Variants in COL23A1 observed in about 807,000 individuals in gnomAD.
The protein encoded by COL23A1 is collagen type XXIII alpha 1 chain, also known as collagen alpha-1(XXIII) chain.
Under a neutral mutation model 99.3 loss-of-function variants are expected in COL23A1, and 97 were observed. That is an observed-to-expected ratio of 0.98 (90% CI 0.83 to 1.16). The LOEUF (loss-of-function observed/expected upper bound fraction) is 1.16, where lower values mean the gene tolerates loss of function less well. Among genes scored for constraint, COL23A1 ranks in the 50% most tolerant of loss-of-function variants. The pLI is 0.00. For synonymous variants in COL23A1, 320 were observed against 308.2 expected (o/e 1.04, Z -0.40); for missense variants, 762 against 757.4 (o/e 1.01, Z -0.07).
rs1758351052 is a variant in COL23A1 at position 178,306,329 on chromosome 5, C to T, written c.406+546G>A. On this transcript the variant is annotated intron_variant, in intron 3 of 28. Coordinates refer to ENST00000390654, the MANE Select transcript of COL23A1 (RefSeq NM_173465.4). The surrounding 1 kb of genome is among the most constrained non-coding windows in gnomAD (Gnocchi z 4.1). ...AGAGGGGCTTAGGGAAGTCCCTGGG[C>T]GAAGGGGGCAATCTGCTGGGGACTG... 1.7e-5 allele frequency among the ~76,000 whole-genome samples: 2 copies of T among 115,104 alleles called. No homozygotes were observed. The highest frequency in any genetic ancestry group is 2.6e-4 in the South Asian group (1 of 3,854). 75.5% of individuals were successfully genotyped at this position (115,104 alleles called of 152,430 possible).
intron 6 of COL23A1, among the ~76,000 whole-genome samples, chr5:178,270,127 C>T (rs1329588757): frequency 1.3e-5 from 2 of 152,206 alleles, no homozygotes; most frequent in African/African-American, 2.4e-5. Context: ...GACAAGAAGC[C>T]TCAGGCTTGG....
intron 2 of COL23A1, among the ~76,000 whole-genome samples, chr5:178,376,928 T>C (rs550067078): frequency 6.6e-6 from 1 of 152,294 alleles, no homozygotes; most frequent in African/African-American, 2.4e-5. Context: ...GCCACTTTTA[T>C]CTTCCCCCGA....
At chr5:178,386,520 A>G (rs1191731370) in intron 2 of COL23A1, among the ~76,000 whole-genome samples, 6 of 150,302 alleles carry the variant, frequency 4.0e-5, no homozygotes, top group Non-Finnish European at 8.9e-5. Context: ...TAGCACAAAT[A>G]TTTCCATTTT....
intron 2 of COL23A1, among the ~76,000 whole-genome samples, chr5:178,311,936 G>A (rs910606709): frequency 2.6e-5 from 4 of 151,860 alleles, no homozygotes; most frequent in Admixed American, 6.6e-5. Context: ...TCACCATGTT[G>A]GCCAGGCTGG....
chr5:178,587,017 G>A (rs1764039986), intron 1 of COL23A1, among the ~76,000 whole-genome samples: 1 of 152,120 alleles, frequency 6.6e-6, no homozygotes, highest in African/African-American at 2.4e-5. Context: ...AAGCTGGCAT[G>A]GTCTCCTCTG....
intron 2 of COL23A1, among the ~76,000 whole-genome samples, chr5:178,495,546 G>A (rs1382372531): frequency 5.3e-5 from 8 of 152,146 alleles, no homozygotes; most frequent in Admixed American, 5.2e-4. Flanking sequence ...GGGGGAGAAG[G>A]GTGGGGAGTT....
chr5:178,392,234 G>C (rs145042818), intron 2 of COL23A1, among the ~76,000 whole-genome samples: 1 of 151,486 alleles, frequency 6.6e-6, no homozygotes, highest in Non-Finnish European at 1.5e-5. Flanking sequence ...TGGGTAAACT[G>C]TATAGTGAGT....
At chr5:178,545,563 T>C (rs1330217600) in intron 2 of COL23A1, among the ~76,000 whole-genome samples, 2 of 152,100 alleles carry the variant, frequency 1.3e-5, no homozygotes, top group Non-Finnish European at 2.9e-5. Context: ...GGCCTGCCAA[T>C]AACCTACAGG....
chr5:178,491,345 C>T (rs779921774), intron 2 of COL23A1, among the ~76,000 whole-genome samples: 4 of 152,132 alleles, frequency 2.6e-5, no homozygotes, highest in African/African-American at 4.8e-5. Context: ...TCCTCCATTA[C>T]GAACTGCCTG....
At chr5:178,343,946 C>T (rs975280260) in intron 2 of COL23A1, among the ~76,000 whole-genome samples, 1 of 152,132 alleles carries the variant, frequency 6.6e-6, no homozygotes, top group Non-Finnish European at 1.5e-5. Flanking sequence ...CAGGCGTGAG[C>T]CACCGTACCC....
At position 178,380,800 on chromosome 5, in the gene COL23A1, C is replaced by T. The variant is rs147475290; in HGVS notation, c.362-73881G>A. Among the ~76,000 whole-genome samples, 401 of 152,302 alleles carry T rather than the reference C, an allele frequency of 2.6e-3. 4 individuals are homozygous for T. The highest frequency in any genetic ancestry group is 9.3e-3 in the African/African-American group (387 of 41,570). Reference sequence around the variant, plus strand: ...AGGCAGGGACTTCACCTGTCCCCAGCGTCCTGCTGAGCAGGGTCACAATAT... The same window carrying T: ...AGGCAGGGACTTCACCTGTCCCCAGTGTCCTGCTGAGCAGGGTCACAATAT... On this transcript the variant is annotated intron_variant, in intron 2 of 28. Transcript: ENST00000390654.
chr5:178,334,335 G>A (rs2973677), intron 2 of COL23A1, among the ~76,000 whole-genome samples: 72,336 of 152,016 alleles, frequency 0.48, 18,120 homozygotes, highest in East Asian at 0.81. Context: ...CACATGCCTG[G>A]ATCGAGCCCA....
At chr5:178,422,650 C>T (rs1196316542) in intron 2 of COL23A1, among the ~76,000 whole-genome samples, 1 of 152,134 alleles carries the variant, frequency 6.6e-6, no homozygotes, top group African/African-American at 2.4e-5. Flanking sequence ...CCCACGTGGT[C>T]GCCATCCATC....
In COL23A1 at chr5:178,517,565, T is replaced by TTTTTC. The variant is rs57447640; in HGVS notation, c.361+43116_361+43117insGAAAA. 3.3e-3 allele frequency among the ~76,000 whole-genome samples: 368 copies of TTTTTC among 112,624 alleles called. 9 individuals are homozygous for TTTTTC. The highest frequency in any genetic ancestry group is 0.012 in the African/African-American group (339 of 28,776). The allele number at this position is 112,624 out of a possible 152,430, so 73.9% of individuals were successfully genotyped here. A position where few individuals can be genotyped will look rare whatever the true frequency, so the allele number is the denominator to read the frequency against. On this transcript the variant is annotated intron_variant, in intron 2 of 28. Coordinates refer to ENST00000390654, the MANE Select transcript of COL23A1 (RefSeq NM_173465.4). ...GACTCTCGGTGACAGCAGTTTTTTT[T>TTTTTC]TTGTTTTTTTTTTTGAGATGGAGTC...
chr5:178,496,641 A>T (rs745433944), intron 2 of COL23A1, among the ~76,000 whole-genome samples: 5 of 152,252 alleles, frequency 3.3e-5, no homozygotes, highest in Non-Finnish European at 7.3e-5. Flanking sequence ...ATGTTACTAT[A>T]GACATACAAG....
At chr5:178,470,735 C>T (rs994693373) in intron 2 of COL23A1, among the ~76,000 whole-genome samples, 21 of 152,286 alleles carry the variant, frequency 1.4e-4, no homozygotes, top group African/African-American at 4.8e-4. Context: ...AGCATCAAGG[C>T]TCCCACAGAA....
At chr5:178,246,801 A>G (rs2127531738) in intron 22 of COL23A1, among the ~76,000 whole-genome samples, 1 of 152,326 alleles carries the variant, frequency 6.6e-6, no homozygotes, top group East Asian at 1.9e-4. Context: ...TTCTACGGCA[A>G]GCCTTGGACC....
At chr5:178,522,437 G>A (rs1433099870) in intron 2 of COL23A1, among the ~76,000 whole-genome samples, 3 of 152,058 alleles carry the variant, frequency 2.0e-5, no homozygotes, top group South Asian at 2.1e-4. Context: ...CTAGGACCGG[G>A]GAATAACTCG....
At chr5:178,574,780 G>T (rs893156055) in intron 1 of COL23A1, among the ~76,000 whole-genome samples, 1 of 132,852 alleles carries the variant, frequency 7.5e-6, no homozygotes, top group Non-Finnish European at 1.5e-5. Flanking sequence ...AACGCTGAAG[G>T]TATTCAGCTT....
Sources: gnomAD v4.1 joint callset for allele counts (sites outside exome capture counted in the v4.1 genomes callset) on GRCh38, gnomAD v4.1.1 for gene constraint, Gnocchi (gnomAD v3.1) non-coding constraint, MANE v1.5 for transcripts, NCBI Gene and HGNC (gene_info 2026-07-23, HGNC 2026-07-21) for gene names.